ITGAL: variants seen among roughly 807,000 people sequenced by gnomAD.
The protein encoded by ITGAL is integrin subunit alpha L.
ITGAL carries 68 observed loss-of-function variants against 138.4 expected under a neutral mutation model. The observed-to-expected ratio is 0.49, with a 90% confidence interval of 0.40 to 0.60. ITGAL has a LOEUF of 0.60. Ranked by LOEUF, ITGAL falls within the 20% of genes least tolerant of loss-of-function variation. The pLI is 0.00. For synonymous variants in ITGAL, 561 were observed against 584.3 expected (o/e 0.96, Z 0.57); for missense variants, 1,256 against 1,478.6 (o/e 0.85, Z 2.47).
chr16:30,484,311 T>A, intron 9 of ITGAL, 48 bp downstream of exon 9: 1 of 1,575,740 alleles, frequency 6.3e-7, no homozygotes, highest in Non-Finnish European at 8.6e-7. Context: ...CATAAAGAAA[T>A]TCCCCTGGGA....
intron 20 of ITGAL, among the ~76,000 whole-genome samples, chr16:30,506,262 T>TAA (rs59616156): frequency 0.35 from 38,869 of 111,138 alleles, 6,930 homozygotes; most frequent in African/African-American, 0.43. Flanking sequence ...TCTGTCTCAA[T>TAA]AAAAAAAAAA....
In ITGAL at chr16:30,494,885, G is replaced by A. The variant is rs1383380350; in HGVS notation, c.1503+35G>A. 1.3e-6 allele frequency: 2 copies of A among 1,550,804 alleles called. No individual in the cohort carries two copies. The highest frequency in any genetic ancestry group is 2.3e-5 in the East Asian group (1 of 43,712). The stretch of plus-strand genomic sequence containing the variant: ...GGATCTGGAGCTGAGAGGGAGGAGG[G>A]AGAGCAGCAGAGATTCGCAGCTCCC... On this transcript the variant is annotated intron_variant, in intron 13 of 30. Coordinates refer to ENST00000356798, the MANE Select transcript of ITGAL (RefSeq NM_002209.3). The surrounding 1 kb of genome is among the most constrained non-coding windows in gnomAD (Gnocchi z 4.2).
intron 13 of ITGAL, 94 bp from the exon 14 acceptor site, chr16:30,496,003 C>T (rs1297277385): frequency 2.0e-6 from 2 of 1,024,572 alleles, no homozygotes; most frequent in South Asian, 2.6e-5. Context: ...CTGTGAGGGA[C>T]CCCATCTTAC....
At position 30,496,436 on chromosome 16, in the gene ITGAL, C is replaced by A; in HGVS notation, c.1702C>A (p.Arg568=). 1.2e-6 allele frequency: 2 copies of A among 1,613,908 alleles called. No individual in the cohort carries two copies. The highest frequency in any genetic ancestry group is 1.1e-5 in the South Asian group (1 of 91,066). Residue 568 remains arginine (R), a splice_region_variant and synonymous_variant, in exon 15 of 31, where the codon CGG becomes AGG. Transcript: ENST00000356798. ...GTGGCAATTTCTTTCTTGCTCTCAGCGGATAGAAGGGACCCAAGTGCTCTC... is the reference window on the plus strand; with the variant it reads ...GTGGCAATTTCTTTCTTGCTCTCAGAGGATAGAAGGGACCCAAGTGCTCTC... ...HGGLSPQPSQ[R]IEGTQVLSGI...
chr16:30,480,772 G>C (rs1046008426), intron 6 of ITGAL: 52 of 152,802 alleles, frequency 3.4e-4, no homozygotes, highest in African/African-American at 1.2e-3. Flanking sequence ...GCTTAGCCGG[G>C]AGGATCACTT....
chr16:30,505,397 T>G lies in ITGAL; in HGVS notation c.2301T>G (p.Phe767Leu). 6.2e-7 allele frequency: 1 copy of G among 1,614,052 alleles called. No individual in the cohort carries two copies. Among genetic ancestry groups the G allele is most frequent in the Non-Finnish European group, 8.5e-7 (1 of 1,179,984 alleles). Residue 767 changes from phenylalanine (F) to leucine (L), a missense_variant, in exon 20 of 31, where the codon TTT becomes TTG. Around this residue, in one of 3 missense-constraint regions of ITGAL, gnomAD observed 867 missense variants for 972.5 expected, o/e 0.89. Coordinates refer to ENST00000356798, the MANE Select transcript of ITGAL (RefSeq NM_002209.3). ...TCTTCTTGGTGTTTCAGATCCCTTT[T>G]GAGAAGAACTGTGGGGAGGACAAGA... ...SLHSETWEIP[F>L]EKNCGEDKKC...
At chr16:30,499,733 A>ATATT in intron 17 of ITGAL, among the ~76,000 whole-genome samples, 15 of 88,364 alleles carry the variant, frequency 1.7e-4, no homozygotes, top group African/African-American at 9.0e-4. Context: ...ATATATATAT[A>ATATT]TTTTTTTTTT....
At chr16:30,482,833 CT>C (rs941765858) in intron 7 of ITGAL, among the ~76,000 whole-genome samples, 19 of 148,164 alleles carry the variant, frequency 1.3e-4, no homozygotes, top group South Asian at 8.5e-4. Flanking sequence ...TTTTCTTTTT[CT>C]TTTTTTTTTA....
chr16:30,517,810 G>A lies in ITGAL; in HGVS notation c.3047G>A (p.Gly1016Glu). The part of the protein sequence containing the change: ...LPDAAEPCLP[G>E]ALFRCPVVFR... ...CATCCTTGTCAGCCTTGTCTCCCCG[G>A]AGCCCTGTTCCGCTGCCCTGTTGTC... is the stretch of plus-strand genomic sequence containing the variant. Residue 1016 changes from glycine (G) to glutamate (E), a missense_variant, in exon 28 of 31, where the codon GGA becomes GAA. By Grantham distance (98) the Gly-to-Glu change is moderately conservative. This residue lies in a region of ITGAL where 867 missense variants were observed against 972.5 expected (regional missense o/e 0.89). Coordinates refer to ENST00000356798, the MANE Select transcript of ITGAL (RefSeq NM_002209.3). 6.2e-7 allele frequency: 1 copy of A among 1,614,132 alleles called. No individual in the cohort carries two copies. Among genetic ancestry groups the A allele is most frequent in the Non-Finnish European group, 8.5e-7 (1 of 1,180,020 alleles).
chr16:30,500,101 T>C (rs1464024855), intron 17 of ITGAL, among the ~76,000 whole-genome samples: 1 of 131,850 alleles, frequency 7.6e-6, no homozygotes, highest in Non-Finnish European at 1.6e-5. Flanking sequence ...TATTTATTTA[T>C]TTGAGACAGA....
intron 4 of ITGAL, among the ~76,000 whole-genome samples, chr16:30,475,938 CAG>C (rs1014502894): frequency 4.0e-5 from 6 of 151,648 alleles, no homozygotes; most frequent in Admixed American, 1.3e-4. Context: ...TTTTTGTAGA[CAG>C]AGAGTGTCAC....
At chr16:30,496,931 C>T (rs1402865587) in intron 15 of ITGAL, among the ~76,000 whole-genome samples, 1 of 152,014 alleles carries the variant, frequency 6.6e-6, no homozygotes, top group Non-Finnish European at 1.5e-5. Context: ...AGGCAGGAGC[C>T]ACTATGCATG....
rs60456127 is a variant in ITGAL at position 30,481,143 on chromosome 16, A to AACACACACACAC, written c.577-267_577-256dup. 2.6e-4 allele frequency: 57 copies of AACACACACACAC among 216,068 alleles called. 1 individual carries two copies. Among genetic ancestry groups the AACACACACACAC allele is most frequent in the African/African-American group, 1.4e-3 (49 of 35,994 alleles). The allele number at this position is 216,068 out of a possible 1,614,324, so 13.4% of individuals were successfully genotyped here. A position where few individuals can be genotyped will look rare whatever the true frequency, so the allele number is the denominator to read the frequency against. The stretch of plus-strand genomic sequence containing the variant: ...ATGGTGAAACACCGTCTCTACTAAA[A>AACACACACACAC]ACACACACACACACACACACACACA... On this transcript the variant is annotated intron_variant, in intron 6 of 30. Transcript: ENST00000356798.
chr16:30,473,797 C>T (rs2050426352), intron 1 of ITGAL, among the ~76,000 whole-genome samples: 1 of 152,136 alleles, frequency 6.6e-6, no homozygotes, highest in Non-Finnish European at 1.5e-5. Flanking sequence ...TGGGAGGAGG[C>T]GCCTGGGCCC....
chr16:30,503,964 C>T (rs1365643329), intron 17 of ITGAL: 6 of 439,692 alleles, frequency 1.4e-5, no homozygotes, highest in East Asian at 3.9e-5. Context: ...GCTGGGGAAC[C>T]GGGGCTCAGG....
intron 16 of ITGAL, 36 bp downstream of exon 16, chr16:30,499,270 G>T (rs773563618): frequency 1.2e-6 from 2 of 1,612,814 alleles, no homozygotes; most frequent in South Asian, 2.2e-5. Context: ...GGCAGCTGCC[G>T]CCCCAAATCC....
chr16:30,505,159 C>T (rs1443560685), intron 18 of ITGAL, 85 bp from the exon 19 acceptor site: 2 of 1,340,188 alleles, frequency 1.5e-6, no homozygotes, highest in Non-Finnish European at 1.0e-6. Flanking sequence ...TGAGCTAAGC[C>T]CCTGCCCCTC....
chr16:30,501,032 G>C (rs1219878065), intron 17 of ITGAL, among the ~76,000 whole-genome samples: 1 of 151,392 alleles, frequency 6.6e-6, no homozygotes, highest in Non-Finnish European at 1.5e-5. Context: ...TTTTTGTAGA[G>C]ACAAGGTCTT....
rs2151166503 is a variant in ITGAL at position 30,505,432 on chromosome 16, C to T, written c.2336C>T (p.Ala779Val). The T allele has an allele frequency of 6.2e-7, 1 of 1,613,978 alleles. No individual in the cohort carries two copies. The highest frequency in any genetic ancestry group is 1.1e-5 in the South Asian group (1 of 91,068). Residue 779 changes from alanine (A) to valine (V), a missense_variant, in exon 20 of 31, where the codon GCA becomes GTA. Physicochemically the swap from Ala to Val is moderately conservative, Grantham distance 64 (BLOSUM62 0). Coordinates refer to ENST00000356798, the MANE Select transcript of ITGAL (RefSeq NM_002209.3). ...TGTGGGGAGGACAAGAAGTGTGAGGCAAACTTGAGAGTGTCCTTCTCTCCT... is the reference window on the plus strand; with the variant it reads ...TGTGGGGAGGACAAGAAGTGTGAGGTAAACTTGAGAGTGTCCTTCTCTCCT... ...KNCGEDKKCE[A>V]NLRVSFSPAR...
Sources: allele counts gnomAD v4.1 joint callset (sites outside exome capture counted in the v4.1 genomes callset), GRCh38; gene constraint gnomAD v4.1.1; regional missense constraint gnomAD v4.1.1; non-coding constraint Gnocchi (gnomAD v3.1); transcripts MANE v1.5; gene names NCBI Gene and HGNC (gene_info 2026-07-23, HGNC 2026-07-21).